CPQ: variants seen among roughly 807,000 people sequenced by gnomAD.
The protein encoded by CPQ is Ser-Met dipeptidase.
CPQ carries 37 observed loss-of-function variants against 45.7 expected under a neutral mutation model. The ratio of observed to expected loss-of-function variants is 0.81; its 90% confidence interval spans 0.62 to 1.07. The LOEUF (loss-of-function observed/expected upper bound fraction) is 1.07. CPQ is among the 50% of genes least tolerant of loss of function. The probability of loss-of-function intolerance (pLI) is 0.00; values close to 1 mark genes in which losing one functional copy is unlikely to be tolerated. For missense variants in CPQ, 537 were observed against 572.9 expected, an observed-to-expected ratio of 0.94 and a Z score of 0.64; for synonymous variants, 186 against 205.8, an observed-to-expected ratio of 0.90 and a Z score of 0.82.
At chr8:96,959,895 A>AT (rs1813425841) in intron 4 of CPQ, among the ~76,000 whole-genome samples, 1 of 150,990 alleles carries the variant, frequency 6.6e-6, no homozygotes, top group South Asian at 2.1e-4. Flanking sequence ...CAAAAGCAAA[A>AT]AAAAAAAAAA....
At chr8:97,138,385 C>G (rs1053750622) in intron 7 of CPQ, among the ~76,000 whole-genome samples, 2 of 152,014 alleles carry the variant, frequency 1.3e-5, no homozygotes, top group African/African-American at 4.8e-5. Context: ...GTTGTAAGAA[C>G]GTGGGTTGGG....
intron 7 of CPQ, among the ~76,000 whole-genome samples, chr8:97,102,443 C>T (rs567732445): frequency 7.2e-5 from 11 of 152,212 alleles, no homozygotes; most frequent in African/African-American, 2.6e-4. Flanking sequence ...TGCTGTTTCT[C>T]GCTATTCAAC....
chr8:96,911,553 A>T (rs1812664676), intron 4 of CPQ, among the ~76,000 whole-genome samples: 1 of 152,142 alleles, frequency 6.6e-6, no homozygotes, highest in Admixed American at 6.6e-5. Context: ...GGTGATAATG[A>T]CATCACACTG....
At position 96,766,503 on chromosome 8, in the gene CPQ, T is replaced by G. The variant is rs139553214; in HGVS notation, c.-34-18361T>G. 3.4e-3 allele frequency among the ~76,000 whole-genome samples: 510 copies of G among 152,232 alleles called. 7 individuals are homozygous for G. Among genetic ancestry groups the G allele is most frequent in the African/African-American group, 0.012 (486 of 41,540 alleles). ...AGGCGTTGGGAAGATGGGAATCAAA[T>G]GCAGCCTCTGTAGGTGGGTGTGGAA... On this transcript the variant is annotated intron_variant, in intron 1 of 7. Transcript: ENST00000220763.
intron 1 of CPQ, among the ~76,000 whole-genome samples, chr8:96,648,751 CTG>C (rs1020961224): frequency 6.6e-6 from 1 of 151,994 alleles, no homozygotes; most frequent in Non-Finnish European, 1.5e-5. Context: ...GAATTTTGAA[CTG>C]TGTTTTAAAG....
At chr8:96,745,437 C>T (rs1810166955) in intron 1 of CPQ, among the ~76,000 whole-genome samples, 1 of 152,162 alleles carries the variant, frequency 6.6e-6, no homozygotes. Context: ...AAAACATGAG[C>T]AGCAAATGAC....
chr8:96,987,421 G>A (rs1393670418), intron 5 of CPQ, among the ~76,000 whole-genome samples: 1 of 152,038 alleles, frequency 6.6e-6, no homozygotes, highest in Non-Finnish European at 1.5e-5. Flanking sequence ...TGATAAGGAA[G>A]TATAACTATG....
intron 2 of CPQ, among the ~76,000 whole-genome samples, chr8:96,790,838 T>C (rs1810837046): frequency 6.6e-6 from 1 of 152,136 alleles, no homozygotes; most frequent in Admixed American, 6.5e-5. Flanking sequence ...TTTTTCCCAC[T>C]AAATATTTTG....
chr8:96,923,392 G>C (rs745747580), intron 4 of CPQ, among the ~76,000 whole-genome samples: 2 of 152,140 alleles, frequency 1.3e-5, no homozygotes, highest in Admixed American at 6.5e-5. Flanking sequence ...TTCACCAGAA[G>C]CATTTAACCA....
At chr8:97,072,522 A>G (rs999847425) in intron 7 of CPQ, among the ~76,000 whole-genome samples, 1 of 152,160 alleles carries the variant, frequency 6.6e-6, no homozygotes, top group Non-Finnish European at 1.5e-5. Flanking sequence ...GGGCATCCAA[A>G]TCGGTAAAGA....
intron 1 of CPQ, among the ~76,000 whole-genome samples, chr8:96,672,243 A>G (rs1438529184): frequency 6.6e-6 from 1 of 152,148 alleles, no homozygotes; most frequent in East Asian, 1.9e-4. Context: ...CTCCAAAACC[A>G]TGGGAATGGT....
intron 4 of CPQ, among the ~76,000 whole-genome samples, chr8:96,927,786 A>C (rs1434981794): frequency 2.6e-5 from 4 of 152,334 alleles, no homozygotes; most frequent in Non-Finnish European, 5.9e-5. Context: ...CCAGGAACCA[A>C]GCTAACTAAG....
intron 3 of CPQ, among the ~76,000 whole-genome samples, chr8:96,861,374 G>A (rs923699009): frequency 2.6e-5 from 4 of 152,054 alleles, no homozygotes; most frequent in African/African-American, 4.8e-5. Context: ...AATGGAGTGC[G>A]GTCAGAGCTG....
intron 4 of CPQ, among the ~76,000 whole-genome samples, chr8:96,900,532 A>G (rs1054347986): frequency 6.6e-6 from 1 of 152,158 alleles, no homozygotes; most frequent in Non-Finnish European, 1.5e-5. Flanking sequence ...AAAGTTGAGC[A>G]ATGTCTGCAG....
At chr8:96,971,137 T>C (rs995578458) in intron 5 of CPQ, among the ~76,000 whole-genome samples, 1 of 152,216 alleles carries the variant, frequency 6.6e-6, no homozygotes. Context: ...ACAAGAATCC[T>C]TACACAGATG....
rs559867733 is a variant in CPQ, at chr8:96,682,407, C to T, written c.-35+37005C>T. On this transcript the variant is annotated intron_variant, in intron 1 of 7. Coordinates refer to ENST00000220763, the MANE Select transcript of CPQ (RefSeq NM_016134.4). ...TTGGCCTGCTGCCATCCACGTAAAA[C>T]GTGACTTGCTTCTCCTTGCCTTCTG... is the stretch of plus-strand genomic sequence containing the variant. Among the ~76,000 whole-genome samples the T allele has an allele frequency of 3.9e-5, 6 of 152,354 alleles. No individual in the cohort carries two copies. In the South Asian group the frequency reaches 6.2e-4, roughly 16 times the overall value.
chr8:96,982,077 T>G (rs1193300838), intron 5 of CPQ, among the ~76,000 whole-genome samples: 1 of 152,232 alleles, frequency 6.6e-6, no homozygotes, highest in African/African-American at 2.4e-5. Context: ...GCAGTGCTGC[T>G]ACTAATGGTG....
intron 5 of CPQ, among the ~76,000 whole-genome samples, chr8:96,985,977 G>A (rs528469891): frequency 9.4e-4 from 143 of 152,278 alleles, no homozygotes; most frequent in African/African-American, 3.1e-3. Flanking sequence ...GGTTCATAGA[G>A]TCCCTTTCGT....
intron 5 of CPQ, among the ~76,000 whole-genome samples, chr8:96,983,798 A>G (rs1387413153): frequency 6.6e-6 from 1 of 151,212 alleles, no homozygotes; most frequent in Non-Finnish European, 1.5e-5. Flanking sequence ...ATCAAATATT[A>G]ATATCATAGA....
Sources: gnomAD v4.1 joint callset for allele counts (sites outside exome capture counted in the v4.1 genomes callset) on GRCh38, gnomAD v4.1.1 for gene constraint, MANE v1.5 for transcripts, NCBI Gene and HGNC (gene_info 2026-07-23, HGNC 2026-07-21) for gene names.